The following KIAA1614 variants were observed in gnomAD, a reference collection of about 807,000 sequenced individuals.
KIAA1614 encodes KIAA1614, also known as uncharacterized protein KIAA1614.
In KIAA1614, 76 loss-of-function variants were observed where a neutral mutation model predicts 88.7. The observed-to-expected ratio is 0.86, with a 90% CI of 0.71 to 1.04. KIAA1614 has a LOEUF of 1.04. KIAA1614 is among the 50% of genes least tolerant of loss of function. KIAA1614 has a pLI of 0.00. For synonymous variants in KIAA1614, 714 were observed against 675.5 expected, an observed-to-expected ratio of 1.06 and a Z score of -0.88; for missense variants, 1,553 against 1,582.5, an observed-to-expected ratio of 0.98 and a Z score of 0.32.
intron 3 of KIAA1614, 92 bp downstream of exon 3, chr1:180,918,006 G>C: frequency 9.3e-7 from 1 of 1,079,562 alleles, no homozygotes; most frequent in Non-Finnish European, 1.4e-6. Flanking sequence ...ACCTCCCAAA[G>C]TGAGAGGGCA....
Position 180,945,616 on chromosome 1 carries a change from C to T in KIAA1614, c.*28C>T. 1 of 1,572,978 alleles carries T rather than the reference C, an allele frequency of 6.4e-7. No homozygotes were observed. The highest frequency in any genetic ancestry group is 8.6e-7 in the Non-Finnish European group (1 of 1,165,818). On this transcript the variant is annotated 3_prime_UTR_variant, in exon 9 of 9. Transcript: ENST00000367588. ...CGTGCAGCTCTGGGAATTCAGAAAG[C>T]CTCTGACTACAGGACTAGGCTTCTC...
Position 180,946,463 on chromosome 1 carries a change from G to A in KIAA1614, c.*875G>A, listed in dbSNP as rs2102279167. Reference sequence around the variant, plus strand: ...GTTCTCAGTTCCACCCCATCCATGAGTCTTTCAGGGCAACGTGACTTGCAA... The same window carrying A: ...GTTCTCAGTTCCACCCCATCCATGAATCTTTCAGGGCAACGTGACTTGCAA... On this transcript the variant is annotated 3_prime_UTR_variant, in exon 9 of 9. Coordinates refer to ENST00000367588, the MANE Select transcript of KIAA1614 (RefSeq NM_020950.2). 1 of 152,352 alleles carries A rather than the reference G, an allele frequency of 6.6e-6. No homozygotes were observed. Among genetic ancestry groups the A allele is most frequent in the South Asian group, 2.1e-4 (1 of 4,826 alleles). The allele number at this position is 152,352 out of a possible 1,614,324, so 9.4% of individuals were successfully genotyped here.
chr1:180,930,713 A>G (rs61809171), intron 4 of KIAA1614, among the ~76,000 whole-genome samples: 4,002 of 152,342 alleles, frequency 0.026, 65 homozygotes, highest in Middle Eastern at 0.034. Context: ...CAGGCCATAG[A>G]AATGCTATAG....
chr1:180,936,313 T>A lies in KIAA1614; in HGVS notation c.2404T>A (p.Cys802Ser), dbSNP rs753398969. 4 of 1,614,208 alleles carry A rather than the reference T, an allele frequency of 2.5e-6. No individual in the cohort carries two copies. In the South Asian group the frequency reaches 3.3e-5, roughly 13 times the overall value. Reference sequence around the variant, plus strand: ...AGCCTGGCAGCCAACAGCTTCCTTGTGTCCTGAAGGCTGGGCGCCAACCCC... The same window carrying A: ...AGCCTGGCAGCCAACAGCTTCCTTGAGTCCTGAAGGCTGGGCGCCAACCCC... The part of the protein sequence containing the change: ...HQAWQPTASL[C>S]PEGWAPTPPP... The change falls in exon 5 of 9, where the codon TGT (cysteine) becomes AGT (serine). Residue 802 changes from cysteine (C) to serine (S), a missense_variant. Transcript: ENST00000367588.
chr1:180,932,984 G>A (rs1347524618), intron 4 of KIAA1614, among the ~76,000 whole-genome samples: 1 of 152,096 alleles, frequency 6.6e-6, no homozygotes, highest in African/African-American at 2.4e-5. Flanking sequence ...CAGGCAATCC[G>A]ACCACCTTGG....
Position 180,945,542 on chromosome 1 carries a change from G to C in KIAA1614, c.3527G>C (p.Gly1176Ala). 6.2e-7 allele frequency: 1 copy of C among 1,613,706 alleles called. No homozygotes were observed. The highest frequency in any genetic ancestry group is 8.5e-7 in the Non-Finnish European group (1 of 1,179,940). ...GGCTGGGGCGGCCTTAGCAAACAAG[G>C]CAGGGCCTTCTGGCTGTGGTCAGAG... ...PHGWGGLSKQ[G>A]RAFWLWSEAF... Residue 1176 changes from glycine (G) to alanine (A), a missense_variant, in exon 9 of 9, where the codon GGC becomes GCC. Gly to Ala is a moderately conservative substitution (Grantham distance 60). Transcript: ENST00000367588.
intron 2 of KIAA1614, among the ~76,000 whole-genome samples, chr1:180,917,508 G>A (rs781486690): frequency 9.9e-5 from 15 of 152,082 alleles, no homozygotes; most frequent in South Asian, 4.2e-4. Flanking sequence ...GAGGCTGGGC[G>A]TTCTAGCAGC....
Position 180,931,951 on chromosome 1 carries a change from G to A in KIAA1614, c.1206-3164G>A, listed in dbSNP as rs1035530260. Among the ~76,000 whole-genome samples the A allele has an allele frequency of 7.9e-5, 12 of 152,138 alleles. No individual in the cohort carries two copies. The East Asian group carries it at 2.3e-3, about 29-fold the overall frequency. On this transcript the variant is annotated intron_variant, in intron 4 of 8. Transcript: ENST00000367588. ...GCATTGGGTCGGCTGGGCTGGGAGG[G>A]CGTCCTTTCTGTGCAGTGGGCTAGG...
rs1653692084 is a variant in KIAA1614, at chr1:180,913,140, C to G, written c.-104C>G. ...GCCCCGAGGGGCGAGGCCTGCGGGC[C>G]GCACTCCCTCCGGCCCCGGATTCGG... is the stretch of plus-strand genomic sequence containing the variant. On this transcript the variant is annotated 5_prime_UTR_variant, in exon 1 of 9. Coordinates refer to ENST00000367588, the MANE Select transcript of KIAA1614 (RefSeq NM_020950.2). 3 of 912,524 alleles carry G rather than the reference C, an allele frequency of 3.3e-6. No individual in the cohort carries two copies. In the East Asian group the frequency reaches 1.0e-4, roughly 31 times the overall value. 56.5% of individuals were successfully genotyped at this position (912,524 alleles called of 1,614,324 possible).
At position 180,943,550 on chromosome 1, in the gene KIAA1614, C is replaced by CTTTTTTTTTTTTTTT. The variant is rs60128001; in HGVS notation, c.3160-837_3160-823dup. ...ATTGTAGGATTGAATGGTAGTAGAT[C>CTTTTTTTTTTTTTTT]TTTTTTTTTTTTTTTTGAGACAGGG... On this transcript the variant is annotated intron_variant, in intron 7 of 8. Coordinates refer to ENST00000367588, the MANE Select transcript of KIAA1614 (RefSeq NM_020950.2). Among the ~76,000 whole-genome samples, 164 of 98,182 alleles carry CTTTTTTTTTTTTTTT rather than the reference C, an allele frequency of 1.7e-3. 13 individuals are homozygous for CTTTTTTTTTTTTTTT. Among genetic ancestry groups the CTTTTTTTTTTTTTTT allele is most frequent in the African/African-American group, 1.9e-3 (45 of 23,844 alleles). The allele number at this position is 98,182 out of a possible 152,430, so 64.4% of individuals were successfully genotyped here. A position where few individuals can be genotyped will look rare whatever the true frequency, so the allele number is the denominator to read the frequency against.
chr1:180,930,957 G>A (rs1654184397), intron 4 of KIAA1614, among the ~76,000 whole-genome samples: 1 of 152,200 alleles, frequency 6.6e-6, no homozygotes. Context: ...CCCATCCCCA[G>A]CCCAGATGCA....
Position 180,916,223 on chromosome 1 carries a change from T to C in KIAA1614, c.120T>C (p.Pro40=). 6.2e-7 allele frequency: 1 copy of C among 1,613,092 alleles called. No individual in the cohort carries two copies. The highest frequency in any genetic ancestry group is 1.1e-5 in the South Asian group (1 of 91,034). The change falls in exon 2 of 9, where the codon CCT becomes CCC. Residue 40 remains proline (P), a synonymous_variant. Transcript: ENST00000367588. ...CCTCAGCTGTGGAGTGGAGTGGTCCTGAGCCACAGCTGGATAACGGACACC... is the reference window on the plus strand; with the variant it reads ...CCTCAGCTGTGGAGTGGAGTGGTCCCGAGCCACAGCTGGATAACGGACACC... The part of the protein sequence containing the change: ...EGTSAVEWSG[P]EPQLDNGHPP...
intron 4 of KIAA1614, among the ~76,000 whole-genome samples, chr1:180,933,825 CAG>C (rs1654254487): frequency 6.6e-6 from 1 of 152,182 alleles, no homozygotes; most frequent in African/African-American, 2.4e-5. Flanking sequence ...TGGGGAGGGA[CAG>C]TGCCTGGAGT....
At chr1:180,929,527 TAA>T (rs1162683862) in intron 4 of KIAA1614, among the ~76,000 whole-genome samples, 1 of 152,208 alleles carries the variant, frequency 6.6e-6, no homozygotes, top group Non-Finnish European at 1.5e-5. Context: ...CCTGATTTCA[TAA>T]TGCTACAGCC....
At position 180,935,541 on chromosome 1, in the gene KIAA1614, C is replaced by T. The variant is rs1052237252; in HGVS notation, c.1632C>T (p.Asp544=). 1.9e-6 allele frequency: 3 copies of T among 1,576,562 alleles called. No individual in the cohort carries two copies. The highest frequency in any genetic ancestry group is 2.3e-5 in the East Asian group (1 of 43,620). Residue 544 remains aspartate, a synonymous_variant, in exon 5 of 9, where the codon GAC becomes GAT. Transcript: ENST00000367588. This position sits in a 1 kb window ranked among gnomAD's most constrained non-coding sequence, Gnocchi z 6.1. ...GCCAGGCCTGCGGCAGCTGCATCGA[C>T]GACCCGCGCCCCGCCCAGGGGAAGG... ...RRCQACGSCI[D]DPRPAQGKAP...
chr1:180,945,282 G>C (rs1571303603), intron 8 of KIAA1614, 21 bp from the exon 9 acceptor site: 2 of 1,568,952 alleles, frequency 1.3e-6, no homozygotes, highest in Non-Finnish European at 8.6e-7. Flanking sequence ...TGCCCTCACT[G>C]TGTCTCTGGT....
Position 180,949,325 on chromosome 1 carries a change from T to TC in KIAA1614, c.*3739dup. 1 of 152,380 alleles carries TC rather than the reference T, an allele frequency of 6.6e-6. No individual in the cohort carries two copies. Among genetic ancestry groups the TC allele is most frequent in the Non-Finnish European group, 1.5e-5 (1 of 68,154 alleles). 9.4% of individuals were successfully genotyped at this position (152,380 alleles called of 1,614,324 possible). On this transcript the variant is annotated 3_prime_UTR_variant, in exon 9 of 9. Transcript: ENST00000367588. ...CTCAGCTTGTGTCTCAGCCCCTGTG[T>TC]CCACCCAGCATGAAGCATGGGCATC...
rs775038019 is a variant in KIAA1614, at chr1:180,944,459, G to C, written c.3230G>C (p.Gly1077Ala). The change falls in exon 8 of 9, where the codon GGG becomes GCG. Residue 1077 changes from glycine to alanine, a missense_variant. Gly to Ala is a moderately conservative substitution (Grantham distance 60). Coordinates refer to ENST00000367588, the MANE Select transcript of KIAA1614 (RefSeq NM_020950.2). ...CTCCATTCTCTGCTGAGCAGCAAGG[G>C]GAACCGGTCCAGCCTCTACCTGGTA... ...QNLHSLLSSKGNRSSLYLVAG... is the reference protein window; with the variant it reads ...QNLHSLLSSKANRSSLYLVAG... The C allele has an allele frequency of 9.3e-6, 15 of 1,613,856 alleles. No homozygotes were observed. In the East Asian group the frequency reaches 3.1e-4, roughly 34 times the overall value.
chr1:180,932,963 A>G (rs1234696252), intron 4 of KIAA1614, among the ~76,000 whole-genome samples: 1 of 151,780 alleles, frequency 6.6e-6, no homozygotes, highest in African/African-American at 2.4e-5. Flanking sequence ...CTGGTCTTCA[A>G]CTCCTGAGCT....
Sources: allele counts gnomAD v4.1 joint callset (sites outside exome capture counted in the v4.1 genomes callset), GRCh38; gene constraint gnomAD v4.1.1; non-coding constraint Gnocchi (gnomAD v3.1); transcripts MANE v1.5; gene names NCBI Gene and HGNC (gene_info 2026-07-23, HGNC 2026-07-21).